SHISA9: variants seen among roughly 807,000 people sequenced by gnomAD.
SHISA9 encodes shisa family member 9, also known as protein shisa-9.
Under a neutral mutation model 38.0 loss-of-function variants are expected in SHISA9, and 13 were observed. The observed-to-expected ratio is 0.34, with a 90% CI of 0.22 to 0.54. The LOEUF is 0.54. Ranked by LOEUF, SHISA9 falls within the 20% of genes least tolerant of loss-of-function variation. The probability of loss-of-function intolerance (pLI) is 0.91; values close to 1 mark genes in which losing one functional copy is unlikely to be tolerated. For synonymous variants in SHISA9, 275 were observed against 242.0 expected, an observed-to-expected ratio of 1.14 and a Z score of -1.27; for missense variants, 538 against 575.8, an observed-to-expected ratio of 0.93 and a Z score of 0.67.
intron 2 of SHISA9, among the ~76,000 whole-genome samples, chr16:13,177,970 G>A (rs2050745755): frequency 6.6e-6 from 1 of 152,142 alleles, no homozygotes; most frequent in Admixed American, 6.5e-5. Context: ...GCCCGGCCAG[G>A]TTCATGTTTT....
At chr16:13,042,411 G>C (rs528941112) in intron 2 of SHISA9, among the ~76,000 whole-genome samples, 1 of 152,262 alleles carries the variant, frequency 6.6e-6, no homozygotes, top group South Asian at 2.1e-4. Flanking sequence ...AGTAGCATTG[G>C]ATGGGACAAA....
At chr16:13,115,689 C>T (rs1180107967) in intron 2 of SHISA9, among the ~76,000 whole-genome samples, 2 of 152,282 alleles carry the variant, frequency 1.3e-5, no homozygotes, top group South Asian at 2.1e-4. Flanking sequence ...ACACCGTATG[C>T]CCCAGGCACC....
chr16:13,082,784 G>A (rs1306973614), intron 2 of SHISA9, among the ~76,000 whole-genome samples: 2 of 152,104 alleles, frequency 1.3e-5, no homozygotes, highest in East Asian at 1.9e-4. Flanking sequence ...GTGGGTGGGG[G>A]GCTGAAGTCT....
intron 2 of SHISA9, among the ~76,000 whole-genome samples, chr16:13,025,403 T>G (rs996189115): frequency 1.3e-5 from 2 of 152,208 alleles, no homozygotes; most frequent in African/African-American, 2.4e-5. Context: ...CCGATGATGC[T>G]TAGGTTGAAA....
the SHISA9 span, among the ~76,000 whole-genome samples, chr16:13,481,201 T>C: frequency 2.0e-5 from 3 of 152,224 alleles, no homozygotes; most frequent in Non-Finnish European, 4.4e-5. Context: ...CCAATTTGTT[T>C]TTGGCCAGGC....
chr16:13,186,664 A>G (rs2050827317), intron 2 of SHISA9, among the ~76,000 whole-genome samples: 1 of 152,134 alleles, frequency 6.6e-6, no homozygotes, highest in South Asian at 2.1e-4. Context: ...TTGTGCAACC[A>G]ATTTCCAGAA....
intron 2 of SHISA9, among the ~76,000 whole-genome samples, chr16:13,196,990 G>C (rs890962624): frequency 6.6e-6 from 1 of 152,060 alleles, no homozygotes; most frequent in Non-Finnish European, 1.5e-5. Flanking sequence ...CTACTCGGAG[G>C]CTGAGATGGG....
intron 2 of SHISA9, among the ~76,000 whole-genome samples, chr16:12,961,024 G>GT (rs948939672): frequency 6.6e-6 from 1 of 151,828 alleles, no homozygotes; most frequent in African/African-American, 2.4e-5. Context: ...TCTGTAACAT[G>GT]TGGGGGGGAT....
At chr16:13,354,153 T>A in the SHISA9 span, among the ~76,000 whole-genome samples, 2,600 of 149,228 alleles carry the variant, frequency 0.017, 35 homozygotes, top group Middle Eastern at 0.035. Context: ...GCCTGAAGAA[T>A]CCCTGAGGAG....
the SHISA9 span, among the ~76,000 whole-genome samples, chr16:13,292,975 C>T: frequency 6.6e-6 from 1 of 152,140 alleles, no homozygotes; most frequent in African/African-American, 2.4e-5. Context: ...GATGGCTGCT[C>T]TCCATCAAAT....
At chr16:12,996,456 C>G (rs1156703216) in intron 2 of SHISA9, among the ~76,000 whole-genome samples, 1 of 152,198 alleles carries the variant, frequency 6.6e-6, no homozygotes, top group Non-Finnish European at 1.5e-5. Context: ...TGGCTGAGTG[C>G]TTGTTACCAC....
the SHISA9 span, among the ~76,000 whole-genome samples, chr16:13,349,928 G>A: frequency 6.6e-6 from 1 of 152,208 alleles, no homozygotes; most frequent in African/African-American, 2.4e-5. Flanking sequence ...TTTTACCAGA[G>A]TTCTCTGAAA....
the SHISA9 span, among the ~76,000 whole-genome samples, chr16:13,501,924 C>A: frequency 6.6e-6 from 1 of 151,906 alleles, no homozygotes; most frequent in East Asian, 1.9e-4. Context: ...ATCACTTGAA[C>A]CCAGGAGGTG....
chr16:13,060,276 G>T (rs936215876), intron 2 of SHISA9, among the ~76,000 whole-genome samples: 1 of 152,132 alleles, frequency 6.6e-6, no homozygotes, highest in African/African-American at 2.4e-5. Context: ...AGAAGCTGCT[G>T]GTGAGGAAGG....
intron 2 of SHISA9, among the ~76,000 whole-genome samples, chr16:13,059,692 A>G (rs2073352012): frequency 1.3e-5 from 2 of 152,170 alleles, no homozygotes; most frequent in Non-Finnish European, 2.9e-5. Flanking sequence ...AGAAGAGTCT[A>G]TCTGCAAATA....
At chr16:12,970,387 A>T (rs1283053104) in intron 2 of SHISA9, among the ~76,000 whole-genome samples, 3 of 29,470 alleles carry the variant, frequency 1.0e-4, no homozygotes, top group African/African-American at 3.9e-4. Flanking sequence ...ATATACATAT[A>T]TGTATATATA....
the SHISA9 span, among the ~76,000 whole-genome samples, chr16:13,367,710 GCGCACACACACACACACACA>G: frequency 4.4e-5 from 4 of 90,578 alleles, no homozygotes; most frequent in South Asian, 4.5e-4. Context: ...GCGCGCGCGC[GCGCACACACACACACACACA>G]CACACACACA....
chr16:12,945,638 T>A (rs1310959803), intron 2 of SHISA9, among the ~76,000 whole-genome samples: 1 of 152,222 alleles, frequency 6.6e-6, no homozygotes, highest in Non-Finnish European at 1.5e-5. Context: ...TGGCCTTGAA[T>A]AAGTTAGTTC....
intron 2 of SHISA9, among the ~76,000 whole-genome samples, chr16:13,144,971 GC>G (rs1362758544): frequency 6.6e-6 from 1 of 152,232 alleles, no homozygotes; most frequent in Non-Finnish European, 1.5e-5. Context: ...AGAAGATAGA[GC>G]TTTTGGCAGA....
Sources: allele counts gnomAD v4.1 joint callset (sites outside exome capture counted in the v4.1 genomes callset), GRCh38; gene constraint gnomAD v4.1.1; transcripts MANE v1.5; gene names NCBI Gene and HGNC (gene_info 2026-07-23, HGNC 2026-07-21).